DDAH1: variants seen among roughly 807,000 people sequenced by gnomAD.
DDAH1 encodes dimethylarginine dimethylaminohydrolase 1.
DDAH1 carries 19 observed loss-of-function variants against 28.8 expected under a neutral mutation model. The observed-to-expected ratio is 0.66, with a 90% CI of 0.46 to 0.97. DDAH1 has a LOEUF of 0.97. Ranked by LOEUF, DDAH1 falls within the 50% of genes least tolerant of loss-of-function variation. The pLI is 0.00. For missense variants in DDAH1, 326 were observed against 375.9 expected (o/e 0.87, Z 1.10); for synonymous variants, 153 against 154.4 (o/e 0.99, Z 0.07).
At chr1:85,375,771 AGAG>A (rs1650631087) in intron 1 of DDAH1, among the ~76,000 whole-genome samples, 1 of 152,182 alleles carries the variant, frequency 6.6e-6, no homozygotes, top group Non-Finnish European at 1.5e-5. Flanking sequence ...AGAATTCTTT[AGAG>A]GAGATCATGG....
At position 85,372,554 on chromosome 1, in the gene DDAH1, G is replaced by A. The variant is rs4949899; in HGVS notation, c.304-13707C>T. On this transcript the variant is annotated intron_variant, in intron 1 of 5. Transcript: ENST00000284031. ...TAAATTACTTTAAAAAATATGGTAA[G>A]CCATATTTTTCTTGCCATTATAGTT... Among the ~76,000 whole-genome samples, 36 of 151,856 alleles carry A rather than the reference G, an allele frequency of 2.4e-4. No homozygotes were observed. The East Asian group carries it at 6.8e-3, about 29-fold the overall frequency.
chr1:85,471,756 C>A (rs149949959), intron 2 of DDAH1, among the ~76,000 whole-genome samples: 1 of 152,186 alleles, frequency 6.6e-6, no homozygotes, highest in Non-Finnish European at 1.5e-5. Context: ...AAAGTGCCCA[C>A]GACAGTGATA....
intron 1 of DDAH1, among the ~76,000 whole-genome samples, chr1:85,450,916 T>A (rs549816689): frequency 3.9e-5 from 6 of 152,196 alleles, no homozygotes; most frequent in African/African-American, 7.2e-5. Context: ...AAGTATTCAT[T>A]CACTTAGAAG....
rs529989245 is a variant in DDAH1 at position 85,373,620 on chromosome 1, C to T, written c.304-14773G>A. On this transcript the variant is annotated intron_variant, in intron 1 of 5. Transcript: ENST00000284031. ...GCCTTCTGCCATGATTTCAAATTGC[C>T]TGAGACCTCCCCAGTCATGCGGAAC... 3.3e-5 allele frequency among the ~76,000 whole-genome samples: 5 copies of T among 152,224 alleles called. No individual in the cohort carries two copies. In the East Asian group the frequency reaches 9.7e-4, roughly 29 times the overall value.
At chr1:85,487,180 C>T (rs1403775263) in intron 2 of DDAH1, among the ~76,000 whole-genome samples, 1 of 152,170 alleles carries the variant, frequency 6.6e-6, no homozygotes, top group Admixed American at 6.5e-5. Context: ...TTAGGACTTC[C>T]AACCAAGGGA....
At chr1:85,511,737 T>A (rs1404212346) in intron 1 of DDAH1, among the ~76,000 whole-genome samples, 1 of 152,156 alleles carries the variant, frequency 6.6e-6, no homozygotes, top group Non-Finnish European at 1.5e-5. Flanking sequence ...GCAAATAAAC[T>A]AGAAAATCTA....
chr1:85,559,681 A>G (rs1467470708), intron 1 of DDAH1, among the ~76,000 whole-genome samples: 1 of 152,208 alleles, frequency 6.6e-6, no homozygotes, highest in Non-Finnish European at 1.5e-5. Flanking sequence ...AGAGTATAAC[A>G]TCTAAAATAA....
At chr1:85,538,810 T>C (rs1277371337) in intron 1 of DDAH1, among the ~76,000 whole-genome samples, 1 of 152,224 alleles carries the variant, frequency 6.6e-6, no homozygotes, top group Non-Finnish European at 1.5e-5. Context: ...TTCCTACCAA[T>C]TTGTGTTTAT....
At chr1:85,408,812 C>T (rs6657732) in intron 1 of DDAH1, among the ~76,000 whole-genome samples, 77,637 of 151,906 alleles carry the variant, frequency 0.51, 20,054 homozygotes, top group Middle Eastern at 0.62. Flanking sequence ...GCTTGTTACA[C>T]TGGATGCTAA....
rs561754729 is a variant in DDAH1, at chr1:85,354,825, C to CTTA, written c.404-3249_404-3247dup. 6.1e-3 allele frequency among the ~76,000 whole-genome samples: 923 copies of CTTA among 151,792 alleles called. 12 individuals carry two copies. Among genetic ancestry groups the CTTA allele is most frequent in the African/African-American group, 0.02 (845 of 41,412 alleles). On this transcript the variant is annotated intron_variant, in intron 2 of 5. Transcript: ENST00000284031. ...AGGCCAAGTTACATAGCATTAAAAG[C>CTTA]TTACATTAGAGAAGATGAAAGGCTA...
chr1:85,327,410 G>A (rs1317625987), intron 4 of DDAH1, among the ~76,000 whole-genome samples: 1 of 132,764 alleles, frequency 7.5e-6, no homozygotes, highest in African/African-American at 2.7e-5. Flanking sequence ...TAAGGCCTAC[G>A]TTAACATGTA....
chr1:85,428,005 T>C (rs1459990644), intron 1 of DDAH1, among the ~76,000 whole-genome samples: 2 of 152,160 alleles, frequency 1.3e-5, no homozygotes, highest in Non-Finnish European at 2.9e-5. Context: ...CATCCCAGTC[T>C]TATTGGTTAT....
chr1:85,420,462 C>T (rs1353193128), intron 1 of DDAH1, among the ~76,000 whole-genome samples: 1 of 152,162 alleles, frequency 6.6e-6, no homozygotes, highest in African/African-American at 2.4e-5. Context: ...GAGCACTTTG[C>T]TGCTTAGAAA....
intron 1 of DDAH1, chr1:85,575,994 TGGC>T (rs1659590958): frequency 6.6e-6 from 1 of 151,848 alleles, no homozygotes; most frequent in South Asian, 2.1e-4. Flanking sequence ...CACACTAACA[TGGC>T]ACATGTATAC....
At position 85,458,553 on chromosome 1, in the gene DDAH1, T is replaced by C. The variant is rs539425333; in HGVS notation, c.303+6190A>G. ...AAGTGATTCTCCTGCCTCAGCCTCC[T>C]GAGTAGCTGGGACTACAGACACCAC... On this transcript the variant is annotated intron_variant, in intron 1 of 5. Transcript: ENST00000284031. 1.6e-4 allele frequency among the ~76,000 whole-genome samples: 24 copies of C among 151,584 alleles called. No homozygotes were observed. The East Asian group carries it at 2.4e-3, about 15-fold the overall frequency.
intron 5 of DDAH1, among the ~76,000 whole-genome samples, chr1:85,324,307 A>AAAATAAAAAG (rs1557456304): frequency 6.7e-6 from 1 of 149,770 alleles, no homozygotes; most frequent in Non-Finnish European, 1.5e-5. Context: ...AATAAATAAA[A>AAAATAAAAAG]AAATAAAAAG....
At chr1:85,484,736 T>C (rs185219790) in intron 2 of DDAH1, among the ~76,000 whole-genome samples, 2 of 152,208 alleles carry the variant, frequency 1.3e-5, no homozygotes, top group Admixed American at 1.3e-4. Flanking sequence ...CTAAAAATAA[T>C]GGTTTAACAA....
At chr1:85,365,763 A>G (rs1650041126) in intron 1 of DDAH1, among the ~76,000 whole-genome samples, 1 of 152,192 alleles carries the variant, frequency 6.6e-6, no homozygotes, top group Admixed American at 6.5e-5. Flanking sequence ...CATGTCCTGT[A>G]TAAATCTCTC....
intron 4 of DDAH1, among the ~76,000 whole-genome samples, chr1:85,347,894 T>C (rs1648969087): frequency 6.6e-6 from 1 of 152,196 alleles, no homozygotes; most frequent in Non-Finnish European, 1.5e-5. Flanking sequence ...ATTTCGAACC[T>C]GTGACTATTT....
Sources: allele counts gnomAD v4.1 joint callset (sites outside exome capture counted in the v4.1 genomes callset), GRCh38; gene constraint gnomAD v4.1.1; transcripts MANE v1.5; gene names NCBI Gene and HGNC (gene_info 2026-07-23, HGNC 2026-07-21).